Variants in CTSB observed in about 807,000 individuals in gnomAD.
CTSB encodes the protein APP secretase.
A neutral mutation model predicts 44.3 loss-of-function variants in CTSB; 57 were observed. That is an observed-to-expected ratio of 1.29 (90% CI 1.04 to 1.60). The LOEUF (loss-of-function observed/expected upper bound fraction) is 1.60, where lower values mean the gene tolerates loss of function less well. Among genes scored for constraint, CTSB ranks in the 40% most tolerant of loss-of-function variants. The pLI is 0.00. For synonymous variants in CTSB, 320 were observed against 168.0 expected (o/e 1.91, Z -7.00); for missense variants, 768 against 443.0 (o/e 1.73, Z -6.59).
At position 11,852,522 on chromosome 8, in the gene CTSB, CAG is replaced by C. The variant is rs1021690516; in HGVS notation, c.212+86_212+87del. ...TGGGCAGCATGAGCCCTGCGGACGC[CAG>C]AGAGGCCTTCACTCTCCCACTTCCC... On this transcript the variant is annotated intron_variant, in intron 3 of 9. Transcript: ENST00000353047. The C allele has an allele frequency of 8.8e-5, 91 of 1,028,300 alleles. No individual in the cohort carries two copies. The African/African-American group carries it at 1.1e-3, about 13-fold the overall frequency. The allele number at this position is 1,028,300 out of a possible 1,614,324, so 63.7% of individuals were successfully genotyped here.
chr8:11,848,301 TC>T, intron 5 of CTSB, 149 bp from the exon 6 acceptor site: 1 of 718,124 alleles, frequency 1.4e-6, no homozygotes, highest in Non-Finnish European at 2.5e-6. Context: ...CCCCAAACCC[TC>T]CAAGGGACGC....
chr8:11,848,388 A>C, intron 5 of CTSB: 2 of 651,372 alleles, frequency 3.1e-6, no homozygotes, highest in Non-Finnish European at 5.7e-6. Flanking sequence ...AGAAGACAGG[A>C]GGCTCTCCTG....
intron 2 of CTSB, 110 bp from the exon 3 acceptor site, chr8:11,852,805 C>A: frequency 2.2e-6 from 2 of 920,354 alleles, no homozygotes; most frequent in Non-Finnish European, 1.7e-6. Context: ...CTACCCAATT[C>A]AAGGGCCCAA....
chr8:11,861,729 T>A (rs1586191077), intron 1 of CTSB, among the ~76,000 whole-genome samples: 1 of 152,246 alleles, frequency 6.6e-6, no homozygotes, highest in African/African-American at 2.4e-5. Flanking sequence ...CTGCATCGGA[T>A]ACCAAAGGAC....
At chr8:11,848,598 G>A (rs1232082819) in intron 5 of CTSB, 3 of 328,280 alleles carry the variant, frequency 9.1e-6, no homozygotes, top group South Asian at 5.4e-5. Flanking sequence ...CGGATCTGCA[G>A]CCGCCAGTGA....
intron 3 of CTSB, among the ~76,000 whole-genome samples, 167 bp from the exon 4 acceptor site, chr8:11,851,147 G>A (rs1004664519): frequency 2.1e-5 from 3 of 142,218 alleles, no homozygotes; most frequent in African/African-American, 7.6e-5. Flanking sequence ...AAAACAAAAG[G>A]AAATTCTGTT....
chr8:11,848,136 G>A lies in CTSB; in HGVS notation c.463C>T (p.Pro155Ser), dbSNP rs750800805. ...GTCCAGAAGTTCCAAGCTTCAGCAGGATAGCCACCATTACAGCTGAAAAGA... is the reference window on the plus strand; with the variant it reads ...GTCCAGAAGTTCCAAGCTTCAGCAGAATAGCCACCATTACAGCTGAAAAGA... ...MCGDGCNGGY[P>S]AEAWNFWTRK... The change falls in exon 6 of 10, where the codon CCT becomes TCT. Residue 155 changes from proline (P) to serine (S), a missense_variant. Pro to Ser is a moderately conservative substitution (Grantham distance 74). Transcript: ENST00000353047. 4.3e-6 allele frequency: 7 copies of A among 1,614,104 alleles called. No individual in the cohort carries two copies. The highest frequency in any genetic ancestry group is 5.9e-6 in the Non-Finnish European group (7 of 1,179,950).
rs1813166492 is a variant in CTSB at position 11,845,666 on chromosome 8, T to C, written c.917A>G (p.Asp306Gly). The change falls in exon 9 of 10, where the codon GAC (aspartate) becomes GGC (glycine). Residue 306 changes from aspartate to glycine, a missense_variant. By Grantham distance (94) the Asp-to-Gly change is moderately conservative. Transcript: ENST00000353047. ...VANSWNTDWG[D>G]NGFFKILRGQ... ...GGAAGGGGGCAGCCACTCACCATTG[T>C]CACCCCAGTCAGTGTTCCAGGAGTT... is the stretch of plus-strand genomic sequence containing the variant. 1 of 1,612,792 alleles carries C rather than the reference T, an allele frequency of 6.2e-7. No individual in the cohort carries two copies. Among genetic ancestry groups the C allele is most frequent in the Non-Finnish European group, 8.5e-7 (1 of 1,178,966 alleles).
At chr8:11,859,458 G>C (rs886696302) in intron 1 of CTSB, among the ~76,000 whole-genome samples, 1 of 152,118 alleles carries the variant, frequency 6.6e-6, no homozygotes, top group African/African-American at 2.4e-5. Flanking sequence ...CTGCCACCAA[G>C]CTCAATAAAG....
In CTSB at chr8:11,844,057, G is replaced by GC. The variant is rs1361946538; in HGVS notation, c.*1067dup. On this transcript the variant is annotated 3_prime_UTR_variant, in exon 10 of 10. Coordinates refer to ENST00000353047, the MANE Select transcript of CTSB (RefSeq NM_001908.5). ...GTCACAACAACAACAAAAAAATAGA[G>GC]CACAGCTATGTTTTGAGTTCTTAAG... is the stretch of plus-strand genomic sequence containing the variant. 2.0e-5 allele frequency: 3 copies of GC among 152,268 alleles called. No homozygotes were observed. The highest frequency in any genetic ancestry group is 6.5e-5 in the Admixed American group (1 of 15,294). The allele number at this position is 152,268 out of a possible 1,614,324, so 9.4% of individuals were successfully genotyped here. A position where few individuals can be genotyped will look rare whatever the true frequency, so the allele number is the denominator to read the frequency against.
intron 1 of CTSB, chr8:11,867,109 G>A (rs949645708): frequency 2.0e-5 from 3 of 151,988 alleles, no homozygotes; most frequent in African/African-American, 4.9e-5. Context: ...TCAGCGCCTG[G>A]GAAGGGGGTG....
rs563497544 is a variant in CTSB at position 11,849,249 on chromosome 8, C to T, written c.328-85G>A. 973 of 1,009,926 alleles carry T rather than the reference C, an allele frequency of 9.6e-4. 2 individuals carry two copies. Among genetic ancestry groups the T allele is most frequent in the Admixed American group, 2.9e-3 (157 of 53,222 alleles). 62.6% of individuals were successfully genotyped at this position (1,009,926 alleles called of 1,614,324 possible). On this transcript the variant is annotated intron_variant, in intron 4 of 9. Transcript: ENST00000353047. ...GTCCCCTCAAAGGGCCACAGGGGCA[C>T]CTCAGACCTTGTAGGCAACTGATCT...
intron 4 of CTSB, among the ~76,000 whole-genome samples, chr8:11,850,419 C>CAAAAAAAAAAAAAAAAAAAA (rs61067792): frequency 5.6e-5 from 3 of 53,770 alleles, no homozygotes; most frequent in Admixed American, 2.4e-4. Context: ...ACTCCATCTC[C>CAAAAAAAAAAAAAAAAAAAA]AAAAAAAAAA....
chr8:11,860,484 G>A (rs138810156), intron 1 of CTSB, among the ~76,000 whole-genome samples: 2,117 of 152,176 alleles, frequency 0.014, 54 homozygotes, highest in African/African-American at 0.048. Context: ...TTAGCCAGGC[G>A]TGGTGGTTGT....
At chr8:11,851,034 A>G (rs932924565) in intron 3 of CTSB, 54 bp from the exon 4 acceptor site, 31 of 1,357,074 alleles carry the variant, frequency 2.3e-5, no homozygotes, top group Middle Eastern at 1.8e-4. Flanking sequence ...TCCCTCCCCA[A>G]TCCCTGCAAA....
Position 11,849,419 on chromosome 8 carries a change from T to A in CTSB, c.328-255A>T, listed in dbSNP as rs575269220. 10 of 326,492 alleles carry A rather than the reference T, an allele frequency of 3.1e-5. No homozygotes were observed. In the East Asian group the frequency reaches 5.5e-4, roughly 18 times the overall value. The allele number at this position is 326,492 out of a possible 1,614,324, so 20.2% of individuals were successfully genotyped here. Reference sequence around the variant, plus strand: ...CCTTGGCCTCCCAAAGTGCTGGGATTAGAGGCGTGATGAGCCACTTGCCCC... The same window carrying A: ...CCTTGGCCTCCCAAAGTGCTGGGATAAGAGGCGTGATGAGCCACTTGCCCC... On this transcript the variant is annotated intron_variant, in intron 4 of 9. Transcript: ENST00000353047.
chr8:11,845,244 C>T, intron 9 of CTSB, 22 bp from the exon 10 acceptor site: 1 of 1,573,732 alleles, frequency 6.4e-7, no homozygotes, highest in Non-Finnish European at 8.7e-7. Context: ...AAGTAAGGTG[C>T]TTTTAAAGTG....
intron 1 of CTSB, chr8:11,867,735 C>G (rs922772715): frequency 6.6e-6 from 1 of 152,212 alleles, no homozygotes; most frequent in Admixed American, 6.5e-5. Flanking sequence ...GCGCACAGCC[C>G]GGGGAGGGGA....
chr8:11,853,346 G>T lies in CTSB; in HGVS notation c.109C>A (p.Arg37=). ...CAGCCTACCTGCCACGTGGTATTCC[G>T]TTTGTTGACATAGTTGACCAGCTCA... ...SDELVNYVNK[R]NTTWQAGHNF... The change falls in exon 2 of 10, where the codon CGG becomes AGG. Residue 37 remains arginine (R), a synonymous_variant. Coordinates refer to ENST00000353047, the MANE Select transcript of CTSB (RefSeq NM_001908.5). 6.2e-7 allele frequency: 1 copy of T among 1,613,338 alleles called. No homozygotes were observed. Among genetic ancestry groups the T allele is most frequent in the Non-Finnish European group, 8.5e-7 (1 of 1,179,872 alleles).
Sources: allele counts gnomAD v4.1 joint callset (sites outside exome capture counted in the v4.1 genomes callset), GRCh38; gene constraint gnomAD v4.1.1; transcripts MANE v1.5; gene names NCBI Gene and HGNC (gene_info 2026-07-23, HGNC 2026-07-21).